CNBD1: variants seen among roughly 807,000 people sequenced by gnomAD.
CNBD1 encodes the protein cyclic nucleotide-binding domain-containing protein 1.
In CNBD1, 71 loss-of-function variants were observed where a neutral mutation model predicts 54.4. The observed-to-expected ratio is 1.30, with a 90% CI of 1.08 to 1.59. The LOEUF is 1.59. Among genes scored for constraint, CNBD1 ranks in the 40% most tolerant of loss-of-function variants. The probability of loss-of-function intolerance (pLI) is 0.00; values close to 1 mark genes in which losing one functional copy is unlikely to be tolerated. For synonymous variants in CNBD1, 182 were observed against 170.7 expected, an observed-to-expected ratio of 1.07 and a Z score of -0.51; for missense variants, 659 against 518.0, an observed-to-expected ratio of 1.27 and a Z score of -2.64.
chr8:86,945,447 C>T (rs1272306035), intron 4 of CNBD1, among the ~76,000 whole-genome samples: 4 of 152,120 alleles, frequency 2.6e-5, no homozygotes, highest in African/African-American at 7.2e-5. Flanking sequence ...TGTTTAAAAT[C>T]CAAATGCAAT....
intron 4 of CNBD1, among the ~76,000 whole-genome samples, chr8:87,082,349 T>A (rs1811013454): frequency 6.6e-6 from 1 of 152,186 alleles, no homozygotes; most frequent in South Asian, 2.1e-4. Flanking sequence ...TGCTGACTAT[T>A]TTTTTGGACT....
At chr8:87,420,777 T>C (rs968905886) in intron 2 of CNBD1, among the ~76,000 whole-genome samples, 4 of 148,192 alleles carry the variant, frequency 2.7e-5, no homozygotes, top group African/African-American at 5.2e-5. Context: ...TTTTCTTCTT[T>C]TTTTTTTTTT....
chr8:86,876,704 T>C (rs1808526592), intron 1 of CNBD1, among the ~76,000 whole-genome samples: 1 of 152,000 alleles, frequency 6.6e-6, no homozygotes, highest in Non-Finnish European at 1.5e-5. Context: ...ATATTTTAAC[T>C]ATATTCCATA....
chr8:87,054,188 A>G (rs546614486), intron 4 of CNBD1, among the ~76,000 whole-genome samples: 1 of 152,352 alleles, frequency 6.6e-6, no homozygotes, highest in East Asian at 1.9e-4. Flanking sequence ...ATCCCATCTG[A>G]CTAGTTGGTA....
At chr8:87,366,792 G>A (rs1810651075) in intron 10 of CNBD1, among the ~76,000 whole-genome samples, 1 of 152,164 alleles carries the variant, frequency 6.6e-6, no homozygotes, top group African/African-American at 2.4e-5. Context: ...CTATGAGGCA[G>A]CATGGGGTAC....
At position 87,260,437 on chromosome 8, in the gene CNBD1, C is replaced by G. The variant is rs1808112540; in HGVS notation, c.771+23325C>G. On this transcript the variant is annotated intron_variant, in intron 6 of 10. Coordinates refer to ENST00000518476, the MANE Select transcript of CNBD1 (RefSeq NM_173538.3). ...AGCCCGTATTTTTTCCTAAGGTACTCCTGGACACAGAAAAACAAATTCATA... is the reference window on the plus strand; with the variant it reads ...AGCCCGTATTTTTTCCTAAGGTACTGCTGGACACAGAAAAACAAATTCATA... Among the ~76,000 whole-genome samples the G allele has an allele frequency of 2.6e-5, 4 of 152,154 alleles. No individual in the cohort carries two copies. The South Asian group carries it at 8.3e-4, about 32-fold the overall frequency.
At chr8:87,412,714 A>T (rs542774000) in intron 2 of CNBD1, among the ~76,000 whole-genome samples, 2 of 152,268 alleles carry the variant, frequency 1.3e-5, no homozygotes, top group African/African-American at 4.8e-5. Context: ...CAGGAAAAAC[A>T]TAGTCACAGG....
At chr8:86,918,353 T>C (rs1358370413) in intron 3 of CNBD1, among the ~76,000 whole-genome samples, 1 of 152,174 alleles carries the variant, frequency 6.6e-6, no homozygotes, top group African/African-American at 2.4e-5. Context: ...TTAGAACATG[T>C]TTCTTTCCTC....
At chr8:87,371,900 T>C (rs1343362621) in intron 10 of CNBD1, among the ~76,000 whole-genome samples, 1 of 151,876 alleles carries the variant, frequency 6.6e-6, no homozygotes, top group Admixed American at 6.6e-5. Flanking sequence ...GGGCAAAAAC[T>C]GGAAGCATTC....
Position 86,956,882 on chromosome 8 carries a change from G to A in CNBD1, c.431+17128G>A, listed in dbSNP as rs62529582. The stretch of plus-strand genomic sequence containing the variant: ...CAACACTCTGTTGAACAGGAGTGGC[G>A]AAAGAGGGCATCCCTGTCTTGTGCC... On this transcript the variant is annotated intron_variant, in intron 4 of 10. Coordinates refer to ENST00000518476, the MANE Select transcript of CNBD1 (RefSeq NM_173538.3). Among the ~76,000 whole-genome samples, 1,302 of 152,278 alleles carry A rather than the reference G, an allele frequency of 8.6e-3. 6 individuals carry two copies. Among genetic ancestry groups the A allele is most frequent in the Non-Finnish European group, 0.014 (959 of 68,020 alleles).
At chr8:86,874,989 TATATATATA>T (rs1808493975) in intron 1 of CNBD1, among the ~76,000 whole-genome samples, 7 of 15,720 alleles carry the variant, frequency 4.5e-4, no homozygotes, top group African/African-American at 1.1e-3. Flanking sequence ...AATCAATTTA[TATATATATA>T]TATATATATA....
At chr8:87,067,289 A>G (rs978193216) in intron 4 of CNBD1, among the ~76,000 whole-genome samples, 1 of 152,016 alleles carries the variant, frequency 6.6e-6, no homozygotes, top group African/African-American at 2.4e-5. Context: ...GAATACAAAG[A>G]TAAAGAACAC....
chr8:87,315,186 T>G (rs2130894068), intron 8 of CNBD1, among the ~76,000 whole-genome samples: 1 of 152,062 alleles, frequency 6.6e-6, no homozygotes, highest in South Asian at 2.1e-4. Flanking sequence ...GTAGGGAAAA[T>G]AGTGTAACAA....
chr8:87,000,759 C>A (rs987904231), intron 4 of CNBD1, among the ~76,000 whole-genome samples: 3 of 152,108 alleles, frequency 2.0e-5, no homozygotes, highest in Admixed American at 1.3e-4. Flanking sequence ...GTTCCATCAT[C>A]TTATGGCATT....
intron 2 of CNBD1, among the ~76,000 whole-genome samples, chr8:87,413,399 T>C (rs1223401708): frequency 6.6e-6 from 1 of 152,120 alleles, no homozygotes; most frequent in Admixed American, 6.6e-5. Context: ...CCTAGTGTCA[T>C]TTTGCTTCAG....
At chr8:86,868,837 A>C (rs1158481103) in intron 1 of CNBD1, among the ~76,000 whole-genome samples, 6 of 152,170 alleles carry the variant, frequency 3.9e-5, no homozygotes, top group Non-Finnish European at 4.4e-5. Flanking sequence ...TTGAGGCTGC[A>C]CATGCAATTA....
intron 3 of CNBD1, among the ~76,000 whole-genome samples, chr8:86,905,902 G>A (rs1809010069): frequency 6.6e-6 from 1 of 152,110 alleles, no homozygotes; most frequent in African/African-American, 2.4e-5. Context: ...GTATCTTATA[G>A]TGGATATGGA....
At chr8:87,408,647 A>G (rs1322466203) in intron 2 of CNBD1, among the ~76,000 whole-genome samples, 1 of 151,924 alleles carries the variant, frequency 6.6e-6, no homozygotes, top group African/African-American at 2.4e-5. Context: ...TGCATTTTTA[A>G]AACAAATTAG....
intron 2 of CNBD1, among the ~76,000 whole-genome samples, chr8:87,421,508 G>C (rs1345486669): frequency 2.1e-5 from 3 of 144,836 alleles, no homozygotes; most frequent in Non-Finnish European, 3.0e-5. Flanking sequence ...TCCCACCTAT[G>C]AGTGAGAATA....
Sources: allele counts gnomAD v4.1 joint callset (sites outside exome capture counted in the v4.1 genomes callset), GRCh38; gene constraint gnomAD v4.1.1; transcripts MANE v1.5; gene names NCBI Gene and HGNC (gene_info 2026-07-23, HGNC 2026-07-21).